The following LINGO2 variants were observed in gnomAD, a reference collection of about 807,000 sequenced individuals.
LINGO2 encodes leucine-rich repeat and immunoglobulin-like domain-containing nogo receptor-interacting protein 2.
A neutral mutation model predicts 30.6 loss-of-function variants in LINGO2; 14 were observed. The observed-to-expected ratio is 0.46, with a 90% CI of 0.30 to 0.72. The LOEUF (loss-of-function observed/expected upper bound fraction) is 0.72. LINGO2 is among the 30% of genes least tolerant of loss of function. LINGO2 has a pLI of 0.07. For synonymous variants in LINGO2, 317 were observed against 288.5 expected, an observed-to-expected ratio of 1.10 and a Z score of -1.00; for missense variants, 729 against 751.7, an observed-to-expected ratio of 0.97 and a Z score of 0.35.
At chr9:28,410,083 G>C (rs949676685) in intron 2 of LINGO2, among the ~76,000 whole-genome samples, 18 of 148,426 alleles carry the variant, frequency 1.2e-4, no homozygotes, top group African/African-American at 4.2e-4. Flanking sequence ...AACAAAAAAA[G>C]AAAGAAAAAG....
intron 1 of LINGO2, among the ~76,000 whole-genome samples, chr9:28,630,348 T>C (rs1429864057): frequency 6.6e-6 from 1 of 152,168 alleles, no homozygotes; most frequent in South Asian, 2.1e-4. Flanking sequence ...GCTCATCTTT[T>C]TTTCTATTAT....
chr9:28,572,713 G>A (rs1823757354), intron 1 of LINGO2, among the ~76,000 whole-genome samples: 2 of 152,114 alleles, frequency 1.3e-5, no homozygotes, highest in South Asian at 4.1e-4. Context: ...GAAGGGGTCT[G>A]ACAGTGACTT....
At chr9:27,951,573 A>G (rs1423640095) in intron 5 of LINGO2, among the ~76,000 whole-genome samples, 1 of 152,178 alleles carries the variant, frequency 6.6e-6, no homozygotes, top group Non-Finnish European at 1.5e-5. Flanking sequence ...GTTAAAGTGA[A>G]ATTAAATAGG....
chr9:28,931,303 G>T, the LINGO2 span, among the ~76,000 whole-genome samples: 1 of 152,166 alleles, frequency 6.6e-6, no homozygotes, highest in Non-Finnish European at 1.5e-5. Context: ...AATAACCATG[G>T]CATGCTTAAT....
the LINGO2 span, among the ~76,000 whole-genome samples, chr9:28,828,046 C>T: frequency 1.3e-5 from 2 of 151,462 alleles, no homozygotes; most frequent in Non-Finnish European, 2.9e-5. Flanking sequence ...GGGAAGGGGC[C>T]GGAGACTTAA....
chr9:28,625,578 T>C (rs555241713), intron 1 of LINGO2, among the ~76,000 whole-genome samples: 1 of 152,162 alleles, frequency 6.6e-6, no homozygotes, highest in Admixed American at 6.6e-5. Context: ...CACATCTCTA[T>C]GAGTATGTTC....
chr9:28,160,452 T>C (rs1828253805), intron 4 of LINGO2, among the ~76,000 whole-genome samples: 1 of 152,212 alleles, frequency 6.6e-6, no homozygotes, highest in Non-Finnish European at 1.5e-5. Flanking sequence ...CAAAATTTCA[T>C]CCTAATTATC....
the LINGO2 span, among the ~76,000 whole-genome samples, chr9:29,010,070 A>G: frequency 1.3e-5 from 2 of 152,186 alleles, no homozygotes; most frequent in East Asian, 1.9e-4. Flanking sequence ...CTAAAACCAT[A>G]AAAAACCCAA....
intron 4 of LINGO2, among the ~76,000 whole-genome samples, chr9:28,186,257 C>T (rs978121387): frequency 6.6e-6 from 1 of 152,110 alleles, no homozygotes; most frequent in African/African-American, 2.4e-5. Flanking sequence ...GCTCATATTG[C>T]ATGTAGGAAA....
the LINGO2 span, among the ~76,000 whole-genome samples, chr9:29,073,709 G>C: frequency 6.6e-6 from 1 of 152,066 alleles, no homozygotes; most frequent in Admixed American, 6.6e-5. Flanking sequence ...TTACAGAAAA[G>C]AGATTCCAAC....
intron 4 of LINGO2, among the ~76,000 whole-genome samples, chr9:28,219,437 G>A (rs1820883025): frequency 6.6e-6 from 1 of 152,020 alleles, no homozygotes; most frequent in Non-Finnish European, 1.5e-5. Context: ...CTCATAAATA[G>A]CAAGAATAAT....
intron 4 of LINGO2, among the ~76,000 whole-genome samples, chr9:28,054,431 C>A (rs1387121839): frequency 6.6e-6 from 1 of 152,010 alleles, no homozygotes; most frequent in South Asian, 2.1e-4. Context: ...GTCTGGATCT[C>A]CACGTTACTG....
the LINGO2 span, among the ~76,000 whole-genome samples, chr9:29,189,883 G>A: frequency 6.6e-6 from 1 of 151,418 alleles, no homozygotes. Context: ...GTGGCAGCGC[G>A]CGCCTGCAAT....
At chr9:28,928,502 A>T in the LINGO2 span, among the ~76,000 whole-genome samples, 1 of 152,044 alleles carries the variant, frequency 6.6e-6, no homozygotes. Flanking sequence ...TATATTGGAA[A>T]TTTTTTGGAA....
chr9:28,070,046 C>A (rs948489694), intron 4 of LINGO2, among the ~76,000 whole-genome samples: 4 of 152,102 alleles, frequency 2.6e-5, no homozygotes, highest in Non-Finnish European at 4.4e-5. Context: ...CATGTCCGTC[C>A]ACTCTCTTTA....
At chr9:28,869,771 C>T in the LINGO2 span, among the ~76,000 whole-genome samples, 1 of 151,866 alleles carries the variant, frequency 6.6e-6, no homozygotes, top group African/African-American at 2.4e-5. Context: ...ACAACAATGT[C>T]TCCTTCAACA....
intron 1 of LINGO2, among the ~76,000 whole-genome samples, chr9:28,539,288 A>C (rs1821573725): frequency 1.3e-5 from 2 of 152,180 alleles, no homozygotes; most frequent in African/African-American, 4.8e-5. Context: ...ATTAATCAAC[A>C]TATCCTATAT....
intron 2 of LINGO2, among the ~76,000 whole-genome samples, chr9:28,447,422 C>T (rs117462719): frequency 0.017 from 2,536 of 152,278 alleles, 110 homozygotes; most frequent in Admixed American, 0.1. Flanking sequence ...CATCACCAGA[C>T]ATGGAATTTA....
intron 4 of LINGO2, among the ~76,000 whole-genome samples, chr9:28,036,392 T>TA (rs1341635518): frequency 6.6e-6 from 1 of 152,060 alleles, no homozygotes; most frequent in Non-Finnish European, 1.5e-5. Context: ...ACATCCAGGG[T>TA]AAAGTTAGCT....
Sources: gnomAD v4.1 joint callset for allele counts (sites outside exome capture counted in the v4.1 genomes callset) on GRCh38, gnomAD v4.1.1 for gene constraint, MANE v1.5 for transcripts, NCBI Gene and HGNC (gene_info 2026-07-23, HGNC 2026-07-21) for gene names.